The following CDH26 variants were observed in gnomAD, a reference collection of about 807,000 sequenced individuals.
The protein encoded by CDH26 is cadherin 26.
CDH26 carries 83 observed loss-of-function variants against 90.3 expected under a neutral mutation model. The observed-to-expected ratio is 0.92, with a 90% CI of 0.77 to 1.10. CDH26 has a LOEUF of 1.10. CDH26 is among the 50% of genes least tolerant of loss of function. The pLI is 0.00. For synonymous variants in CDH26, 397 were observed against 396.3 expected (o/e 1.00, Z -0.02); for missense variants, 1,013 against 1,037.6 (o/e 0.98, Z 0.33).
chr20:59,966,686 A>G (rs1209860773), intron 1 of CDH26, among the ~76,000 whole-genome samples: 1 of 152,242 alleles, frequency 6.6e-6, no homozygotes, highest in African/African-American at 2.4e-5. Flanking sequence ...TAGGCAAACA[A>G]TGCCTTAGTG....
chr20:60,011,576 A>C (rs952094882), intron 17 of CDH26, among the ~76,000 whole-genome samples: 5 of 152,194 alleles, frequency 3.3e-5, no homozygotes, highest in Admixed American at 2.0e-4. Context: ...GCCAGTTCCC[A>C]CAGCTCAGCC....
chr20:59,965,582 C>T (rs942200105), intron 1 of CDH26, among the ~76,000 whole-genome samples: 10 of 152,116 alleles, frequency 6.6e-5, no homozygotes, highest in African/African-American at 1.9e-4. Flanking sequence ...AAGAAAACAG[C>T]GGGAGTCTCC....
rs1240458978 is a variant in CDH26, at chr20:60,030,277, A to T, written c.948-954A>T. ...ATTCATTTTGACTGGAGGGTTTTCC[A>T]CCTGAGTTCTCCAGAGCCTCAGCAT... On this transcript the variant is annotated intron_variant, in intron 7 of 8. Transcript: ENST00000370991. This position sits in a 1 kb window ranked among gnomAD's most constrained non-coding sequence, Gnocchi z 4.0. 6.6e-6 allele frequency among the ~76,000 whole-genome samples: 1 copy of T among 152,148 alleles called. No homozygotes were observed. Among genetic ancestry groups the T allele is most frequent in the African/African-American group, 2.4e-5 (1 of 41,422 alleles).
Position 60,012,864 on chromosome 20 carries a change from T to C in CDH26, c.*134T>C. The C allele has an allele frequency of 1.4e-6, 1 of 725,714 alleles. No homozygotes were observed. Among genetic ancestry groups the C allele is most frequent in the South Asian group, 2.0e-5 (1 of 50,342 alleles). 45.0% of individuals were successfully genotyped at this position (725,714 alleles called of 1,614,324 possible). A position where few individuals can be genotyped will look rare whatever the true frequency, so the allele number is the denominator to read the frequency against. On this transcript the variant is annotated 3_prime_UTR_variant, in exon 18 of 18. Coordinates refer to ENST00000348616, the MANE Select transcript of CDH26 (RefSeq NM_177980.4). ...CTAGTCCTAGGATGAGGACACACTATTAGTTTGAATTAAATGCTTTGATAT... is the reference window on the plus strand; with the variant it reads ...CTAGTCCTAGGATGAGGACACACTACTAGTTTGAATTAAATGCTTTGATAT...
chr20:60,008,817 C>G (rs8123550), intron 17 of CDH26, among the ~76,000 whole-genome samples: 8,081 of 152,298 alleles, frequency 0.053, 489 homozygotes, highest in African/African-American at 0.15. Context: ...ACTCCTTAGC[C>G]CTGCAGAATG....
intron 2 of CDH26, 118 bp from the exon 3 acceptor site, chr20:59,969,964 T>C: frequency 2.1e-6 from 3 of 1,432,176 alleles, no homozygotes; most frequent in Non-Finnish European, 2.8e-6. Context: ...GTTCTGGCGA[T>C]GAGAGAATGC....
In CDH26 at chr20:59,966,261, G is replaced by C. The variant is rs74669798; in HGVS notation, c.70-2706G>C. 2.1e-5 allele frequency among the ~76,000 whole-genome samples: 3 copies of C among 141,426 alleles called. No individual in the cohort carries two copies. In the South Asian group the frequency reaches 6.6e-4, roughly 31 times the overall value. 92.8% of individuals were successfully genotyped at this position (141,426 alleles called of 152,430 possible). A position where few individuals can be genotyped will look rare whatever the true frequency, so the allele number is the denominator to read the frequency against. ...AAAAAAAAAAAAAAAAAAAAAAGTG[G>C]CCTGTTCAGCTGGAAACTGAAGCAA... On this transcript the variant is annotated intron_variant, in intron 1 of 17. Coordinates refer to ENST00000348616, the MANE Select transcript of CDH26 (RefSeq NM_177980.4).
chr20:59,984,797 G>T lies in CDH26; in HGVS notation c.700G>T (p.Asp234Tyr), dbSNP rs150010707. 844 of 1,607,532 alleles carry T rather than the reference G, an allele frequency of 5.3e-4. No individual in the cohort carries two copies. The highest frequency in any genetic ancestry group is 1.0e-3 in the South Asian group (90 of 89,088). Residue 234 changes from aspartate to tyrosine, a missense_variant, in exon 6 of 18, where the codon GAT becomes TAT. Transcript: ENST00000348616. ...SGEIRLSGCL[D>Y]YETAPQFTLL... ...AGAAATACGACTCTCTGGCTGCTTA[G>T]ATTATGAGGTTATGTGGATTTTATT...
At chr20:59,979,647 A>G (rs1183466296) in intron 4 of CDH26, among the ~76,000 whole-genome samples, 2 of 60,794 alleles carry the variant, frequency 3.3e-5, no homozygotes, top group Non-Finnish European at 6.4e-5. Context: ...TTTTTTTTAG[A>G]TAGAGTTTCA....
chr20:59,966,986 T>TA (rs1218977600), intron 1 of CDH26, among the ~76,000 whole-genome samples: 147 of 140,818 alleles, frequency 1.0e-3, no homozygotes, highest in African/African-American at 3.4e-3. Flanking sequence ...CAATGATAAG[T>TA]AAAAAAAAAA....
chr20:59,973,822 C>G (rs2061294273), intron 4 of CDH26, among the ~76,000 whole-genome samples: 1 of 152,172 alleles, frequency 6.6e-6, no homozygotes, highest in Non-Finnish European at 1.5e-5. Flanking sequence ...GATTTCATGT[C>G]TTTGCTACTG....
chr20:59,993,965 C>G (rs761651877), intron 10 of CDH26, among the ~76,000 whole-genome samples: 3 of 152,154 alleles, frequency 2.0e-5, no homozygotes, highest in Non-Finnish European at 4.4e-5. Context: ...ATCCTTGATG[C>G]CTGGCACCAT....
intron 16 of CDH26, among the ~76,000 whole-genome samples, chr20:60,005,697 T>C (rs1442599821): frequency 6.6e-6 from 1 of 152,214 alleles, no homozygotes; most frequent in African/African-American, 2.4e-5. Context: ...AGACTTCCTG[T>C]TGGCTTGCCA....
rs2062028453 is a variant in CDH26 at position 60,030,040 on chromosome 20, G to A, written c.948-1191G>A. Among the ~76,000 whole-genome samples, 1 of 152,168 alleles carries A rather than the reference G, an allele frequency of 6.6e-6. No homozygotes were observed. The highest frequency in any genetic ancestry group is 2.4e-5 in the African/African-American group (1 of 41,438). Reference sequence around the variant, plus strand: ...GAAAAACAAGGAAGGGAGAAAGAAAGTGAACTGGGGATCCCTTCTGCCACC... The same window carrying A: ...GAAAAACAAGGAAGGGAGAAAGAAAATGAACTGGGGATCCCTTCTGCCACC... On this transcript the variant is annotated intron_variant, in intron 7 of 8. Coordinates refer to the CDH26 transcript ENST00000370991. This position sits in a 1 kb window ranked among gnomAD's most constrained non-coding sequence, Gnocchi z 4.0.
At chr20:59,966,525 G>T (rs961007297) in intron 1 of CDH26, among the ~76,000 whole-genome samples, 2 of 152,024 alleles carry the variant, frequency 1.3e-5, no homozygotes, top group Non-Finnish European at 2.9e-5. Flanking sequence ...TTTCTTTTTG[G>T]TTTTTCCTGC....
chr20:59,965,023 G>A (rs140834751), intron 1 of CDH26, among the ~76,000 whole-genome samples: 71 of 152,144 alleles, frequency 4.7e-4, no homozygotes, highest in African/African-American at 1.7e-3. Flanking sequence ...TATACACCTG[G>A]GTAGGCCCTT....
At chr20:59,999,048 A>G (rs573578911) in intron 13 of CDH26, among the ~76,000 whole-genome samples, 89 of 152,198 alleles carry the variant, frequency 5.8e-4, no homozygotes, top group Admixed American at 3.0e-3. Context: ...ATGTTGTCAC[A>G]TTCTACTACT....
intron 7 of CDH26, among the ~76,000 whole-genome samples, chr20:60,020,820 T>G (rs2061945954): frequency 6.6e-6 from 1 of 152,168 alleles, no homozygotes; most frequent in Non-Finnish European, 1.5e-5. Flanking sequence ...CTCTCCAAAC[T>G]GGGCTCAGGG....
chr20:59,996,736 C>T lies in CDH26; in HGVS notation c.1994C>T (p.Ala665Val), dbSNP rs755461354. 2.5e-5 allele frequency: 40 copies of T among 1,614,080 alleles called. No homozygotes were observed. The highest frequency in any genetic ancestry group is 1.6e-4 in the Middle Eastern group (1 of 6,084). ...EGHQTLVMYN[A>V]ESKGTSAQTW... ...CACCAAACACTGGTCATGTATAATGCGGAGAGCAAAGGCACTTCAGCCCAG... is the reference window on the plus strand; with the variant it reads ...CACCAAACACTGGTCATGTATAATGTGGAGAGCAAAGGCACTTCAGCCCAG... Residue 665 changes from alanine (A) to valine (V), a missense_variant, in exon 13 of 18, where the codon GCG (alanine) becomes GTG (valine). Ala to Val is a moderately conservative substitution (Grantham distance 64). Coordinates refer to ENST00000348616, the MANE Select transcript of CDH26 (RefSeq NM_177980.4).
Sources: gnomAD v4.1 joint callset for allele counts (sites outside exome capture counted in the v4.1 genomes callset) on GRCh38, gnomAD v4.1.1 for gene constraint, Gnocchi (gnomAD v3.1) non-coding constraint, MANE v1.5 for transcripts, NCBI Gene and HGNC (gene_info 2026-07-23, HGNC 2026-07-21) for gene names.